BMAL2: variants seen among roughly 807,000 people sequenced by gnomAD.
The protein encoded by BMAL2 is basic helix-loop-helix ARNT like 2.
chr12:27,357,350 C>A, the BMAL2 span, among the ~76,000 whole-genome samples: 1 of 152,128 alleles, frequency 6.6e-6, no homozygotes, highest in East Asian at 1.9e-4. Context: ...CAAAGCACTA[C>A]TGAAAGAAAT....
the BMAL2 span, among the ~76,000 whole-genome samples, chr12:27,401,975 G>C: frequency 2.2e-4 from 34 of 152,116 alleles, no homozygotes; most frequent in Non-Finnish European, 4.1e-4. Context: ...TGCAGACGTG[G>C]ATTTCTACTG....
chr12:27,424,270 A>G, the BMAL2 span: 1 of 152,350 alleles, frequency 6.6e-6, no homozygotes, highest in African/African-American at 2.4e-5. Flanking sequence ...TTGAAGAACA[A>G]TTATTTATTG....
At chr12:27,385,546 C>A in the BMAL2 span, 1 of 1,591,670 alleles carries the variant, frequency 6.3e-7, no homozygotes, top group Non-Finnish European at 8.6e-7. Context: ...TGAGCTCAGA[C>A]ATTTAATCCT....
the BMAL2 span, among the ~76,000 whole-genome samples, chr12:27,344,441 A>G: frequency 6.6e-6 from 1 of 152,172 alleles, no homozygotes; most frequent in African/African-American, 2.4e-5. Context: ...ATATTAAGAG[A>G]TTAATTGCAA....
At chr12:27,367,284 G>A in the BMAL2 span, among the ~76,000 whole-genome samples, 3 of 152,136 alleles carry the variant, frequency 2.0e-5, no homozygotes, top group Non-Finnish European at 4.4e-5. Context: ...GCGTGGATAT[G>A]CTGGACAGAG....
At chr12:27,404,781 C>T in the BMAL2 span, among the ~76,000 whole-genome samples, 1 of 152,120 alleles carries the variant, frequency 6.6e-6, no homozygotes, top group Non-Finnish European at 1.5e-5. Flanking sequence ...GCGCACCAAG[C>T]GTGAGCCGAA....
At chr12:27,406,956 A>C in the BMAL2 span, among the ~76,000 whole-genome samples, 6 of 152,230 alleles carry the variant, frequency 3.9e-5, no homozygotes, top group Non-Finnish European at 7.3e-5. Flanking sequence ...ATCTCTGATA[A>C]AACAGACTTT....
the BMAL2 span, among the ~76,000 whole-genome samples, chr12:27,397,042 G>C: frequency 6.6e-6 from 1 of 151,650 alleles, no homozygotes; most frequent in African/African-American, 2.4e-5. Context: ...GGAATTCACT[G>C]TGGTTTTGTT....
At chr12:27,356,439 C>T in the BMAL2 span, among the ~76,000 whole-genome samples, 9 of 152,150 alleles carry the variant, frequency 5.9e-5, no homozygotes, top group Non-Finnish European at 8.8e-5. Flanking sequence ...GTACAATCTA[C>T]GTTTCAAGCT....
At chr12:27,369,302 G>GA in the BMAL2 span, among the ~76,000 whole-genome samples, 4 of 151,702 alleles carry the variant, frequency 2.6e-5, no homozygotes, top group Non-Finnish European at 1.5e-5. Context: ...TTTTTGGTGG[G>GA]GGGGGTGGTA....
At chr12:27,340,770 A>T in the BMAL2 span, among the ~76,000 whole-genome samples, 1 of 152,028 alleles carries the variant, frequency 6.6e-6, no homozygotes, top group East Asian at 1.9e-4. Context: ...TTTCTGTGTC[A>T]TCTCTGATTT....
chr12:27,353,739 G>A, the BMAL2 span, among the ~76,000 whole-genome samples: 5 of 151,434 alleles, frequency 3.3e-5, no homozygotes, highest in African/African-American at 7.3e-5. Context: ...ACAAACAACT[G>A]TATTAAAAAA....
the BMAL2 span, among the ~76,000 whole-genome samples, chr12:27,412,604 A>T: frequency 6.6e-6 from 1 of 152,056 alleles, no homozygotes; most frequent in Admixed American, 6.6e-5. Context: ...AGCCCATAGG[A>T]CTTATGGGAC....
chr12:27,393,769 G>A, the BMAL2 span, among the ~76,000 whole-genome samples: 1 of 152,194 alleles, frequency 6.6e-6, no homozygotes, highest in Non-Finnish European at 1.5e-5. Context: ...GACACACTGG[G>A]GAGCAGGTAG....
chr12:27,342,051 C>G, the BMAL2 span, among the ~76,000 whole-genome samples: 1 of 152,022 alleles, frequency 6.6e-6, no homozygotes, highest in African/African-American at 2.4e-5. Context: ...ATTCTCATGC[C>G]TCAGCCTCCC....
the BMAL2 span, among the ~76,000 whole-genome samples, chr12:27,359,621 G>T: frequency 6.6e-6 from 1 of 152,100 alleles, no homozygotes; most frequent in Admixed American, 6.5e-5. Context: ...GGCAGAGGTT[G>T]CAGTGAGCCA....
At chr12:27,423,276 T>G in the BMAL2 span, 2 of 152,026 alleles carry the variant, frequency 1.3e-5, no homozygotes, top group Admixed American at 1.3e-4. Flanking sequence ...ATCTACAAAT[T>G]GCACGAAAGT....
the BMAL2 span, chr12:27,368,346 G>A: frequency 5.6e-6 from 9 of 1,613,988 alleles, no homozygotes; most frequent in South Asian, 3.3e-5. Context: ...ACAGCTATGG[G>A]GTCTTTCAGC....
the BMAL2 span, chr12:27,333,118 G>A: frequency 8.3e-7 from 1 of 1,205,180 alleles, no homozygotes; most frequent in Non-Finnish European, 1.0e-6. Context: ...GGTTGCCGGT[G>A]GCGAGGCGAC....
Sources: allele counts gnomAD v4.1 joint callset (sites outside exome capture counted in the v4.1 genomes callset), GRCh38; gene constraint gnomAD v4.1.1; transcripts MANE v1.5; gene names NCBI Gene and HGNC (gene_info 2026-07-23, HGNC 2026-07-21).